Variants in SULF2 observed in about 807,000 individuals in gnomAD.
SULF2 encodes the protein extracellular sulfatase Sulf-2.
A neutral mutation model predicts 107.7 loss-of-function variants in SULF2; 52 were observed. The ratio of observed to expected loss-of-function variants is 0.48; its 90% CI spans 0.39 to 0.61. The LOEUF is 0.61. Among genes scored for constraint, SULF2 ranks in the 20% least tolerant of loss-of-function variants. SULF2 has a pLI of 0.00. For synonymous variants in SULF2, 460 were observed against 464.3 expected (o/e 0.99, Z 0.12); for missense variants, 993 against 1,177.3 (o/e 0.84, Z 2.29).
chr20:47,731,182 C>CTT (rs1342480404), intron 3 of SULF2, among the ~76,000 whole-genome samples: 20 of 99,572 alleles, frequency 2.0e-4, no homozygotes, highest in African/African-American at 4.3e-4. Context: ...TCACCTGTAT[C>CTT]TTCTCTTTTT....
At chr20:47,782,232 G>C (rs767880100) in intron 1 of SULF2, among the ~76,000 whole-genome samples, 63 of 152,300 alleles carry the variant, frequency 4.1e-4, no homozygotes, top group Non-Finnish European at 6.2e-4. Flanking sequence ...TCTGTACCCT[G>C]ACACCCAACT....
chr20:47,784,369 G>C (rs555740674), intron 1 of SULF2, among the ~76,000 whole-genome samples: 7 of 152,046 alleles, frequency 4.6e-5, no homozygotes, highest in African/African-American at 1.7e-4. Context: ...CAGAAAGGGG[G>C]GCAGGGAATG....
Position 47,757,529 on chromosome 20 carries a change from A to G in SULF2, c.-100-66T>C, listed in dbSNP as rs1353107149. On this transcript the variant is annotated intron_variant, in intron 1 of 20. Transcript: ENST00000688720. ...GCTGCCGGCTGCTCATTCTTGCATA[A>G]TGATTTGTATGGCGGCTGGCATGAA... 5 of 760,972 alleles carry G rather than the reference A, an allele frequency of 6.6e-6. No homozygotes were observed. In the African/African-American group the frequency reaches 7.0e-5, roughly 11 times the overall value. 47.1% of individuals were successfully genotyped at this position (760,972 alleles called of 1,614,324 possible).
chr20:47,758,976 G>A (rs1316301475), intron 1 of SULF2, among the ~76,000 whole-genome samples: 1 of 152,138 alleles, frequency 6.6e-6, no homozygotes, highest in Non-Finnish European at 1.5e-5. Context: ...ATCTCTCCTG[G>A]GGACTGCAAG....
chr20:47,678,636 T>C lies in SULF2; in HGVS notation c.1193+40A>G. Reference sequence around the variant, plus strand: ...TTTGCTCTGAGTTCCCGCAGGTCAATGTCCCGGCCCCCTCAACACCTGCCC... The same window carrying C: ...TTTGCTCTGAGTTCCCGCAGGTCAACGTCCCGGCCCCCTCAACACCTGCCC... On this transcript the variant is annotated intron_variant, in intron 8 of 20. Coordinates refer to ENST00000688720, the MANE Select transcript of SULF2 (RefSeq NM_001387048.1). The surrounding 1 kb of genome is among the most constrained non-coding windows in gnomAD (Gnocchi z 4.5). 6.2e-7 allele frequency: 1 copy of C among 1,609,332 alleles called. No individual in the cohort carries two copies. Among genetic ancestry groups the C allele is most frequent in the Non-Finnish European group, 8.5e-7 (1 of 1,177,372 alleles).
At chr20:47,699,493 C>A (rs2088493005) in intron 4 of SULF2, among the ~76,000 whole-genome samples, 1 of 151,830 alleles carries the variant, frequency 6.6e-6, no homozygotes, top group African/African-American at 2.4e-5. Context: ...ATTAAGTATG[C>A]AAGGGTATGC....
At chr20:47,729,583 G>A (rs2089538172) in intron 3 of SULF2, among the ~76,000 whole-genome samples, 1 of 151,512 alleles carries the variant, frequency 6.6e-6, no homozygotes, top group African/African-American at 2.4e-5. Context: ...GAGTGTGAAA[G>A]GAATAGGAAA....
intron 1 of SULF2, among the ~76,000 whole-genome samples, chr20:47,767,387 G>T (rs2090547290): frequency 1.3e-5 from 2 of 152,220 alleles, no homozygotes; most frequent in South Asian, 4.1e-4. Context: ...GCTTACACCT[G>T]TAATCCCAGC....
At position 47,678,835 on chromosome 20, in the gene SULF2, C is replaced by A; in HGVS notation, c.1065-31G>T. 1 of 1,608,126 alleles carries A rather than the reference C, an allele frequency of 6.2e-7. No individual in the cohort carries two copies. Among genetic ancestry groups the A allele is most frequent in the Non-Finnish European group, 8.5e-7 (1 of 1,177,006 alleles). On this transcript the variant is annotated intron_variant, in intron 7 of 20. Coordinates refer to ENST00000688720, the MANE Select transcript of SULF2 (RefSeq NM_001387048.1). The surrounding 1 kb of genome is among the most constrained non-coding windows in gnomAD (Gnocchi z 4.5). ...GGAGGCAGGAGATCGGGGACTCAGTCACTCAGGTGGTGGTGCCTCAGCCTC... is the reference window on the plus strand; with the variant it reads ...GGAGGCAGGAGATCGGGGACTCAGTAACTCAGGTGGTGGTGCCTCAGCCTC...
chr20:47,776,165 AG>A (rs1227289301), intron 1 of SULF2, among the ~76,000 whole-genome samples: 1 of 152,238 alleles, frequency 6.6e-6, no homozygotes, highest in African/African-American at 2.4e-5. Context: ...GTCAGGCTAT[AG>A]GGGATGGTGG....
chr20:47,767,924 AT>A (rs927425488), intron 1 of SULF2, among the ~76,000 whole-genome samples: 1 of 149,828 alleles, frequency 6.7e-6, no homozygotes, highest in African/African-American at 2.5e-5. Flanking sequence ...AAAAAAAAAA[AT>A]ATTGGGGGAT....
intron 17 of SULF2, among the ~76,000 whole-genome samples, chr20:47,662,860 G>A (rs1423441184): frequency 6.6e-6 from 1 of 151,906 alleles, no homozygotes; most frequent in African/African-American, 2.4e-5. Context: ...CACGCAGGGT[G>A]ATGGAGGCAA....
intron 2 of SULF2, among the ~76,000 whole-genome samples, chr20:47,743,301 G>C (rs528093408): frequency 6.7e-6 from 1 of 150,082 alleles, no homozygotes; most frequent in African/African-American, 2.5e-5. Flanking sequence ...TCTATTCTCC[G>C]TTTGGTGGCC....
chr20:47,664,681 CT>C (rs2146401883), intron 14 of SULF2, among the ~76,000 whole-genome samples: 1 of 152,340 alleles, frequency 6.6e-6, no homozygotes, highest in East Asian at 1.9e-4. Flanking sequence ...ATGGTAGCCA[CT>C]GGCCACAGGT....
chr20:47,734,603 G>T (rs2089687385), intron 3 of SULF2, among the ~76,000 whole-genome samples: 1 of 152,164 alleles, frequency 6.6e-6, no homozygotes, highest in Non-Finnish European at 1.5e-5. Context: ...AGGGTATGTG[G>T]CTCTTATTAT....
chr20:47,684,645 G>A (rs897129900), intron 5 of SULF2, 64 bp from the exon 6 acceptor site: 23 of 1,551,096 alleles, frequency 1.5e-5, no homozygotes, highest in African/African-American at 6.8e-5. Context: ...CCTGGCCCCC[G>A]CCAGACCCGC....
In SULF2 at chr20:47,736,879, T is replaced by C. The variant is rs1600610661; in HGVS notation, c.239A>G (p.Asn80Ser). ...IMEQGGAHFI[N>S]AFVTTPMCCP... ...GCACATGGGTGTGGTCACGAAGGCG[T>C]TGATGAAGTGCGCCCCGCCCTGCTC... is the stretch of plus-strand genomic sequence containing the variant. The change falls in exon 3 of 21, where the codon AAC becomes AGC. Residue 80 changes from asparagine to serine, a missense_variant. By Grantham distance (46) the Asn-to-Ser change is conservative (BLOSUM62 1). Transcript: ENST00000688720. 1.2e-6 allele frequency: 2 copies of C among 1,614,136 alleles called. No homozygotes were observed. Among genetic ancestry groups the C allele is most frequent in the African/African-American group, 1.3e-5 (1 of 74,954 alleles).
chr20:47,751,878 T>C (rs111455179), intron 2 of SULF2, among the ~76,000 whole-genome samples: 1 of 152,164 alleles, frequency 6.6e-6, no homozygotes, highest in Non-Finnish European at 1.5e-5. Context: ...ACTCAGTTGC[T>C]TTTCAACAGC....
In SULF2 at chr20:47,678,867, G is replaced by T; in HGVS notation, c.1065-63C>A. The T allele has an allele frequency of 2.7e-6, 4 of 1,480,434 alleles. No homozygotes were observed. Among genetic ancestry groups the T allele is most frequent in the East Asian group, 2.3e-5 (1 of 43,878 alleles). 91.7% of individuals were successfully genotyped at this position (1,480,434 alleles called of 1,614,324 possible). A position where few individuals can be genotyped will look rare whatever the true frequency, so the allele number is the denominator to read the frequency against. On this transcript the variant is annotated intron_variant, in intron 7 of 20. Transcript: ENST00000688720. This position sits in a 1 kb window ranked among gnomAD's most constrained non-coding sequence, Gnocchi z 4.5. ...GTGGTGGTGCCTCAGCCTCGCGTGG[G>T]GGGTGGGGAGCGGTAGGTGGGCAGC...
Sources: gnomAD v4.1 joint callset for allele counts (sites outside exome capture counted in the v4.1 genomes callset) on GRCh38, gnomAD v4.1.1 for gene constraint, Gnocchi (gnomAD v3.1) non-coding constraint, MANE v1.5 for transcripts, NCBI Gene and HGNC (gene_info 2026-07-23, HGNC 2026-07-21) for gene names.